The following GPHN variants were observed in gnomAD, a reference collection of about 807,000 sequenced individuals.
GPHN encodes gephyrin.
In GPHN, 17 loss-of-function variants were observed where a neutral mutation model predicts 95.5. The observed-to-expected ratio is 0.18, with a 90% CI of 0.12 to 0.27. The LOEUF is 0.27. GPHN is among the 10% of genes least tolerant of loss of function. The pLI, the probability that GPHN is intolerant of heterozygous loss-of-function variation, is 1.00. For synonymous variants in GPHN, 320 were observed against 322.5 expected (o/e 0.99, Z 0.08); for missense variants, 660 against 978.1 (o/e 0.67, Z 4.34).
At chr14:66,829,291 T>C (rs901048818) in intron 4 of GPHN, among the ~76,000 whole-genome samples, 1 of 152,058 alleles carries the variant, frequency 6.6e-6, no homozygotes, top group African/African-American at 2.4e-5. Flanking sequence ...TTTCGCCACA[T>C]TGGCCAGGAT....
chr14:66,926,384 T>A (rs972348877), intron 8 of GPHN, among the ~76,000 whole-genome samples: 1 of 152,222 alleles, frequency 6.6e-6, no homozygotes, highest in African/African-American at 2.4e-5. Context: ...AGTCTTAGAT[T>A]TAAGTATGTA....
At chr14:66,598,628 C>T (rs1325112636) in intron 1 of GPHN, among the ~76,000 whole-genome samples, 2 of 152,026 alleles carry the variant, frequency 1.3e-5, no homozygotes, top group African/African-American at 4.8e-5. Flanking sequence ...GGGCAGATCA[C>T]GAGGTCAGGA....
the GPHN span, among the ~76,000 whole-genome samples, chr14:67,723,408 A>T: frequency 6.6e-6 from 1 of 152,048 alleles, no homozygotes; most frequent in Non-Finnish European, 1.5e-5. Flanking sequence ...TACTTTTTAA[A>T]TTTTTTGTGG....
intron 8 of GPHN, among the ~76,000 whole-genome samples, chr14:66,935,239 G>T (rs2067051028): frequency 6.6e-6 from 1 of 152,084 alleles, no homozygotes; most frequent in African/African-American, 2.4e-5. Flanking sequence ...TATCCTTGGA[G>T]ATTTGTAATA....
At chr14:67,101,203 G>C (rs1459880208) in intron 13 of GPHN, among the ~76,000 whole-genome samples, 2 of 151,400 alleles carry the variant, frequency 1.3e-5, no homozygotes, top group Non-Finnish European at 2.9e-5. Context: ...AAAAAAAAAT[G>C]TTCTGAATAG....
intron 18 of GPHN, among the ~76,000 whole-genome samples, chr14:67,147,354 C>T (rs1289293865): frequency 6.6e-6 from 1 of 152,184 alleles, no homozygotes; most frequent in African/African-American, 2.4e-5. Flanking sequence ...GCAAAGCCTT[C>T]AGGCAAGCAC....
At chr14:67,214,651 T>C in the GPHN span, among the ~76,000 whole-genome samples, 2 of 152,038 alleles carry the variant, frequency 1.3e-5, no homozygotes, top group East Asian at 3.8e-4. Context: ...CGATGCGGGC[T>C]CTTTTTTGGT....
the GPHN span, chr14:67,650,981 G>GA: frequency 6.7e-7 from 1 of 1,495,226 alleles, no homozygotes; most frequent in African/African-American, 1.4e-5. Context: ...GCATTGAGGG[G>GA]ATAGATGAAT....
At chr14:66,994,585 C>T (rs1162105930) in intron 9 of GPHN, among the ~76,000 whole-genome samples, 1 of 152,104 alleles carries the variant, frequency 6.6e-6, no homozygotes, top group African/African-American at 2.4e-5. Flanking sequence ...AGTAAATTTT[C>T]CTAGCAATAG....
At chr14:67,311,298 G>A in the GPHN span, among the ~76,000 whole-genome samples, 3 of 133,186 alleles carry the variant, frequency 2.3e-5, no homozygotes, top group African/African-American at 8.9e-5. Context: ...GCAACAGAGC[G>A]AGACTCCGTC....
chr14:67,572,615 C>A, the GPHN span, among the ~76,000 whole-genome samples: 6 of 128,836 alleles, frequency 4.7e-5, no homozygotes, highest in African/African-American at 1.5e-4. Flanking sequence ...TTATTGAACT[C>A]TTGGCACCAG....
chr14:67,203,020 A>T, the GPHN span: 2 of 1,475,964 alleles, frequency 1.4e-6, no homozygotes, highest in Non-Finnish European at 1.8e-6. Context: ...CCTCTCTTAC[A>T]CTTCTCAGGC....
At chr14:66,693,411 C>G (rs1004525064) in intron 2 of GPHN, among the ~76,000 whole-genome samples, 2 of 152,024 alleles carry the variant, frequency 1.3e-5, no homozygotes, top group Non-Finnish European at 2.9e-5. Context: ...GAAACAGAAC[C>G]AATGATTGAT....
At chr14:66,809,177 A>C (rs544651653) in intron 3 of GPHN, among the ~76,000 whole-genome samples, 1 of 152,296 alleles carries the variant, frequency 6.6e-6, no homozygotes, top group East Asian at 1.9e-4. Context: ...GATAAGAGAC[A>C]GAGACAGACC....
chr14:66,932,174 G>A (rs2066833711), intron 8 of GPHN, among the ~76,000 whole-genome samples: 1 of 152,138 alleles, frequency 6.6e-6, no homozygotes, highest in African/African-American at 2.4e-5. Context: ...GAATTCCCTA[G>A]ATTACCAGGC....
chr14:66,924,165 A>G, intron 7 of GPHN, 29 bp from the exon 8 acceptor site: 2 of 1,190,208 alleles, frequency 1.7e-6, no homozygotes, highest in Non-Finnish European at 2.5e-6. Flanking sequence ...CTGTCACTAT[A>G]TTCATAGTTG....
intron 4 of GPHN, among the ~76,000 whole-genome samples, chr14:66,853,017 A>G (rs970847823): frequency 1.3e-5 from 2 of 152,216 alleles, no homozygotes; most frequent in African/African-American, 4.8e-5. Flanking sequence ...AAAGGCTTCT[A>G]ATTGCTCTGA....
At chr14:67,323,740 T>C in the GPHN span, 5 of 1,602,634 alleles carry the variant, frequency 3.1e-6, no homozygotes, top group Non-Finnish European at 4.3e-6. Flanking sequence ...TGAAACCATA[T>C]ATTATCTTCA....
the GPHN span, chr14:67,446,169 C>A: frequency 7.3e-6 from 3 of 408,680 alleles, no homozygotes; most frequent in South Asian, 1.9e-5. Flanking sequence ...CTGATGCACT[C>A]GGCGCCTTTG....
Sources: gnomAD v4.1 joint callset for allele counts (sites outside exome capture counted in the v4.1 genomes callset) on GRCh38, gnomAD v4.1.1 for gene constraint, MANE v1.5 for transcripts, NCBI Gene and HGNC (gene_info 2026-07-23, HGNC 2026-07-21) for gene names.